TAF15: variants seen among roughly 807,000 people sequenced by gnomAD.
The protein encoded by TAF15 is TATA-box binding protein associated factor 15.
TAF15 carries 37 observed loss-of-function variants against 102.5 expected under a neutral mutation model. The ratio of observed to expected loss-of-function variants is 0.36; its 90% CI spans 0.28 to 0.47. TAF15 has a LOEUF of 0.47. TAF15 is among the 20% of genes least tolerant of loss of function. TAF15 has a pLI of 0.99. For missense variants in TAF15, 652 were observed against 760.7 expected, an observed-to-expected ratio of 0.86 and a Z score of 1.68; for synonymous variants, 273 against 259.2, an observed-to-expected ratio of 1.05 and a Z score of -0.51.
intron 11 of TAF15, 73 bp from the exon 12 acceptor site, chr17:35,842,294 A>C: frequency 8.5e-7 from 1 of 1,170,054 alleles, no homozygotes; most frequent in African/African-American, 1.5e-5. Flanking sequence ...AAGATTTCCA[A>C]GACTTTTTCA....
At chr17:35,823,034 T>C (rs1259029581) in intron 6 of TAF15, among the ~76,000 whole-genome samples, 1 of 152,232 alleles carries the variant, frequency 6.6e-6, no homozygotes, top group Non-Finnish European at 1.5e-5. Context: ...TGGTCATGAC[T>C]TTTGATGGCT....
At chr17:35,809,706 G>T (rs2087101858) in intron 1 of TAF15, 130 bp downstream of exon 1, 1 of 1,242,990 alleles carries the variant, frequency 8.0e-7, no homozygotes. Flanking sequence ...TGGGGGGGCG[G>T]CCGCTGCCGC....
chr17:35,843,344 G>C (rs529947745), intron 12 of TAF15, among the ~76,000 whole-genome samples: 4 of 151,938 alleles, frequency 2.6e-5, no homozygotes, highest in Non-Finnish European at 5.9e-5. Flanking sequence ...GGCTGGTCTC[G>C]AACTCCCGAC....
intron 8 of TAF15, 29 bp downstream of exon 8, chr17:35,833,970 A>G (rs1343591614): frequency 6.2e-7 from 1 of 1,612,730 alleles, no homozygotes; most frequent in African/African-American, 1.3e-5. Flanking sequence ...AAAATGTTTC[A>G]GTGGAAATGC....
chr17:35,845,666 C>G (rs2087615647), intron 15 of TAF15, among the ~76,000 whole-genome samples: 1 of 152,146 alleles, frequency 6.6e-6, no homozygotes, highest in African/African-American at 2.4e-5. Flanking sequence ...CCCGCCACCA[C>G]GCCCGGCTAA....
chr17:35,828,170 TAA>T (rs1400646223), intron 7 of TAF15, among the ~76,000 whole-genome samples: 6 of 152,310 alleles, frequency 3.9e-5, no homozygotes, highest in Admixed American at 3.3e-4. Flanking sequence ...TTCTCCCTCT[TAA>T]AAGAGTATTC....
At chr17:35,816,815 CTTTTTTTTTTTTTTTTT>C (rs1170506741) in intron 1 of TAF15, 1 of 57,430 alleles carries the variant, frequency 1.7e-5, no homozygotes, top group Non-Finnish European at 3.2e-5. Context: ...CCCACCCCCA[CTTTTTTTTTTTTTTTTT>C]TTTTTTTTTT....
intron 7 of TAF15, among the ~76,000 whole-genome samples, chr17:35,831,864 C>T (rs1275883036): frequency 5.3e-5 from 8 of 151,714 alleles, no homozygotes; most frequent in African/African-American, 7.3e-5. Flanking sequence ...GGGCAGATCA[C>T]GAGGTCAGGA....
chr17:35,838,250 T>C (rs2087499840), intron 10 of TAF15, among the ~76,000 whole-genome samples, 174 bp from the exon 11 acceptor site: 1 of 152,236 alleles, frequency 6.6e-6, no homozygotes, highest in South Asian at 2.1e-4. Context: ...TTTCACTTAG[T>C]GTAGCTTAGA....
intron 15 of TAF15, among the ~76,000 whole-genome samples, chr17:35,845,726 A>G (rs111908803): frequency 2.8e-4 from 43 of 151,930 alleles, no homozygotes; most frequent in African/African-American, 9.9e-4. Context: ...AGACCTCGTG[A>G]TCCACCCGCC....
intron 13 of TAF15, 34 bp downstream of exon 13, chr17:35,844,192 G>A: frequency 1.2e-6 from 2 of 1,613,052 alleles, no homozygotes; most frequent in East Asian, 2.2e-5. Flanking sequence ...GAGAGTAGGG[G>A]TTGGGATTGG....
At chr17:35,831,140 T>C (rs2087399816) in intron 7 of TAF15, among the ~76,000 whole-genome samples, 1 of 152,152 alleles carries the variant, frequency 6.6e-6, no homozygotes, top group East Asian at 1.9e-4. Context: ...CAGTGACTCA[T>C]GCCTGTAATC....
chr17:35,829,428 C>T (rs1021926467), intron 7 of TAF15, among the ~76,000 whole-genome samples: 17 of 150,096 alleles, frequency 1.1e-4, no homozygotes, highest in African/African-American at 3.7e-4. Context: ...GTCGGGAGAT[C>T]GAGACCATCC....
chr17:35,811,669 C>T (rs947396997), intron 1 of TAF15: 1 of 152,122 alleles, frequency 6.6e-6, no homozygotes, highest in Admixed American at 6.6e-5. Flanking sequence ...GACTCAACCA[C>T]TCCAAAAAAC....
At chr17:35,822,947 C>A in intron 6 of TAF15, 114 bp downstream of exon 6, 1 of 1,284,356 alleles carries the variant, frequency 7.8e-7, no homozygotes, top group Non-Finnish European at 1.1e-6. Context: ...TTAGGGTAAC[C>A]TTGAAGATAT....
intron 12 of TAF15, 42 bp downstream of exon 12, chr17:35,842,501 G>A (rs760982739): frequency 5.4e-6 from 8 of 1,472,442 alleles, no homozygotes; most frequent in Non-Finnish European, 7.5e-6. Context: ...CTATCCAAGG[G>A]TTTAAGTTTG....
intron 1 of TAF15, among the ~76,000 whole-genome samples, chr17:35,815,179 T>C (rs978952801): frequency 6.6e-6 from 1 of 152,198 alleles, no homozygotes; most frequent in Non-Finnish European, 1.5e-5. Flanking sequence ...AAATAACTTT[T>C]CTGGCTGCAG....
At chr17:35,825,420 C>T (rs972499497) in intron 7 of TAF15, among the ~76,000 whole-genome samples, 1 of 152,132 alleles carries the variant, frequency 6.6e-6, no homozygotes, top group Non-Finnish European at 1.5e-5. Context: ...TTACTCTCTA[C>T]CTAATAATAG....
intron 1 of TAF15, 115 bp downstream of exon 1, chr17:35,809,691 T>G (rs2087101392): frequency 2.0e-6 from 3 of 1,469,472 alleles, no homozygotes; most frequent in Non-Finnish European, 2.8e-6. Context: ...GAGGGAGGCT[T>G]GGGGTGGGGG....
Sources: allele counts gnomAD v4.1 joint callset (sites outside exome capture counted in the v4.1 genomes callset), GRCh38; gene constraint gnomAD v4.1.1; transcripts MANE v1.5; gene names NCBI Gene and HGNC (gene_info 2026-07-23, HGNC 2026-07-21).